The following GCSAML variants were observed in gnomAD, a reference collection of about 807,000 sequenced individuals.
GCSAML encodes the protein germinal center-associated signaling and motility-like protein.
In GCSAML, 9 loss-of-function variants were observed where a neutral mutation model predicts 13.0. The ratio of observed to expected loss-of-function variants is 0.69; its 90% CI spans 0.42 to 1.21. GCSAML has a LOEUF of 1.21. Among genes scored for constraint, GCSAML ranks in the 50% most tolerant of loss-of-function variants. The pLI is 0.00. For missense variants in GCSAML, 143 were observed against 153.4 expected (o/e 0.93, Z 0.36); for synonymous variants, 37 against 52.9 (o/e 0.70, Z 1.31).
chr1:247,517,907 G>A (rs970637427), intron 1 of GCSAML, among the ~76,000 whole-genome samples: 2 of 152,170 alleles, frequency 1.3e-5, no homozygotes, highest in Non-Finnish European at 2.9e-5. Flanking sequence ...CATTCTGCTG[G>A]GGTTCTGGAG....
chr1:247,532,190 G>C (rs1667006893), intron 2 of GCSAML: 1 of 1,614,036 alleles, frequency 6.2e-7, no homozygotes, highest in Admixed American at 1.7e-5. Context: ...GTTGCCCCCA[G>C]CCAATGGGAG....
intron 2 of GCSAML, among the ~76,000 whole-genome samples, chr1:247,557,173 T>C (rs1667985102): frequency 6.6e-6 from 1 of 152,232 alleles, no homozygotes; most frequent in Admixed American, 6.5e-5. Context: ...CTGCACCGCA[T>C]GGTTTTATGG....
At chr1:247,544,444 G>A (rs1402423082), upstream of GCSAML, among the ~76,000 whole-genome samples, 1 of 152,166 alleles carries the variant, frequency 6.6e-6, no homozygotes, top group Non-Finnish European at 1.5e-5. Flanking sequence ...ATTCAGGCAA[G>A]TGGTGTCATA....
rs528349538 is a variant in GCSAML at position 247,556,957 on chromosome 1, C to G, written c.89+491C>G. On this transcript the variant is annotated intron_variant, in intron 2 of 4. Coordinates refer to ENST00000366488, the MANE Select transcript of GCSAML (RefSeq NM_145278.5). The stretch of plus-strand genomic sequence containing the variant: ...CTGGTTCCTCACTCTCTACCTTCAC[C>G]CACTATCTTACATGCATTCTCCTTT... Among the ~76,000 whole-genome samples the G allele has an allele frequency of 2.2e-3, 331 of 152,256 alleles. 1 individual carries two copies. The highest frequency in any genetic ancestry group is 3.9e-3 in the Non-Finnish European group (264 of 68,018).
At chr1:247,553,819 A>T (rs868826724) in intron 1 of GCSAML, among the ~76,000 whole-genome samples, 3 of 152,346 alleles carry the variant, frequency 2.0e-5, no homozygotes, top group African/African-American at 7.2e-5. Context: ...ATGCAGTTTT[A>T]AACTATTGAG....
chr1:247,530,091 C>T (rs889788539), intron 2 of GCSAML: 6 of 151,938 alleles, frequency 3.9e-5, no homozygotes, highest in Non-Finnish European at 8.8e-5. Flanking sequence ...TTCTGTTTCT[C>T]TGGAGAACCC....
intron 1 of GCSAML, among the ~76,000 whole-genome samples, chr1:247,516,671 TG>T (rs1666222070): frequency 6.6e-6 from 1 of 151,870 alleles, no homozygotes; most frequent in Non-Finnish European, 1.5e-5. Flanking sequence ...AGACCTCAAA[TG>T]GACACATCCT....
At chr1:247,522,131 C>G (rs1449510648) in intron 1 of GCSAML, among the ~76,000 whole-genome samples, 1 of 151,678 alleles carries the variant, frequency 6.6e-6, no homozygotes, top group African/African-American at 2.4e-5. Flanking sequence ...AAGTGAGGAG[C>G]CCCTCCGCCT....
chr1:247,523,167 T>C (rs1440802705), intron 1 of GCSAML, among the ~76,000 whole-genome samples: 1 of 152,208 alleles, frequency 6.6e-6, no homozygotes, highest in African/African-American at 2.4e-5. Context: ...CTTCAACCTA[T>C]ATACACTTTA....
chr1:247,555,177 A>T (rs956940430), intron 1 of GCSAML, among the ~76,000 whole-genome samples: 1 of 152,202 alleles, frequency 6.6e-6, no homozygotes, highest in Non-Finnish European at 1.5e-5. Flanking sequence ...TTTCAACTTT[A>T]AAATACAAAC....
At chr1:247,538,194 A>C (rs1667287773) in intron 2 of GCSAML, among the ~76,000 whole-genome samples, 1 of 152,174 alleles carries the variant, frequency 6.6e-6, no homozygotes, top group African/African-American at 2.4e-5. Flanking sequence ...GTCCAACTTC[A>C]TTCTTTAGCA....
At chr1:247,548,808 C>G (rs552256800), upstream of GCSAML, among the ~76,000 whole-genome samples, 1 of 152,158 alleles carries the variant, frequency 6.6e-6, no homozygotes, top group Admixed American at 6.5e-5. This position sits in a 1 kb window ranked among gnomAD's most constrained non-coding sequence, Gnocchi z 5.3. Context: ...ATGCTCACTT[C>G]GGAGGAATAG....
In GCSAML at chr1:247,571,346, C is replaced by A. The variant is rs147552990; in HGVS notation, c.169-2797C>A. Among the ~76,000 whole-genome samples, 462 of 152,208 alleles carry A rather than the reference C, an allele frequency of 3.0e-3. 3 individuals carry two copies. Among genetic ancestry groups the A allele is most frequent in the African/African-American group, 0.011 (443 of 41,516 alleles). ...TTTGCAGTGGGTGGTACTGGTTTTT[C>A]CTTTGTATATTTAGTGCTTCCTTCA... On this transcript the variant is annotated intron_variant, in intron 4 of 4. Coordinates refer to ENST00000366488, the MANE Select transcript of GCSAML (RefSeq NM_145278.5).
chr1:247,567,915 C>T (rs1478113687), intron 4 of GCSAML, among the ~76,000 whole-genome samples: 1 of 152,200 alleles, frequency 6.6e-6, no homozygotes, highest in Non-Finnish European at 1.5e-5. Flanking sequence ...ATTTTCATTT[C>T]TCTAATGACT....
intron 1 of GCSAML, among the ~76,000 whole-genome samples, chr1:247,523,163 C>G (rs1233439304): frequency 6.6e-6 from 1 of 152,162 alleles, no homozygotes; most frequent in Non-Finnish European, 1.5e-5. Flanking sequence ...GCCCCTTCAA[C>G]CTATATACAC....
chr1:247,574,307 C>A lies in GCSAML; in HGVS notation c.333C>A (p.Ala111=). Residue 111 remains alanine (A), a synonymous_variant, in exon 5 of 5, where the codon GCC becomes GCA. Transcript: ENST00000366488. ...GAGAAAGGTCAGAGACAGAATATGCCCTTCTTAGGACTTCTGTTAGTAGGC... is the reference window on the plus strand; with the variant it reads ...GAGAAAGGTCAGAGACAGAATATGCACTTCTTAGGACTTCTGTTAGTAGGC... ...QFRERSETEY[A]LLRTSVSRPC... is the part of the protein sequence containing the mutation. 3 of 1,613,830 alleles carry A rather than the reference C, an allele frequency of 1.9e-6. No individual in the cohort carries two copies. Among genetic ancestry groups the A allele is most frequent in the Non-Finnish European group, 2.5e-6 (3 of 1,179,814 alleles).
intron 1 of GCSAML, among the ~76,000 whole-genome samples, chr1:247,550,092 T>C (rs969729494): frequency 6.6e-6 from 1 of 152,210 alleles, no homozygotes; most frequent in Non-Finnish European, 1.5e-5. Flanking sequence ...CAAGTCTTGT[T>C]CTGTCTGTTT....
intron 2 of GCSAML, among the ~76,000 whole-genome samples, chr1:247,537,367 G>A (rs970935141): frequency 2.0e-5 from 3 of 152,152 alleles, no homozygotes; most frequent in Non-Finnish European, 4.4e-5. Flanking sequence ...TTATTCATCT[G>A]TTGACAGACA....
At chr1:247,556,084 G>T (rs1275470432) in intron 1 of GCSAML, among the ~76,000 whole-genome samples, 2 of 152,152 alleles carry the variant, frequency 1.3e-5, no homozygotes, top group Non-Finnish European at 2.9e-5. Flanking sequence ...ATGCTTCCCT[G>T]TTGTTAAGGT....
Sources: allele counts gnomAD v4.1 joint callset (sites outside exome capture counted in the v4.1 genomes callset), GRCh38; gene constraint gnomAD v4.1.1; non-coding constraint Gnocchi (gnomAD v3.1); transcripts MANE v1.5; gene names NCBI Gene and HGNC (gene_info 2026-07-23, HGNC 2026-07-21).